Variants in TET1 observed in about 807,000 individuals in gnomAD.
TET1 encodes the protein methylcytosine dioxygenase TET1.
TET1 carries 13 observed loss-of-function variants against 148.7 expected under a neutral mutation model. The ratio of observed to expected loss-of-function variants is 0.09; its 90% CI spans 0.06 to 0.14. The LOEUF (loss-of-function observed/expected upper bound fraction) is 0.14. Among genes scored for constraint, TET1 ranks in the 10% least tolerant of loss-of-function variants. TET1 has a pLI of 1.00. For synonymous variants in TET1, 907 were observed against 937.2 expected (o/e 0.97, Z 0.59); for missense variants, 2,182 against 2,553.8 (o/e 0.85, Z 3.14).
At chr10:68,628,715 G>GT (rs986313215) in intron 3 of TET1, among the ~76,000 whole-genome samples, 12 of 152,170 alleles carry the variant, frequency 7.9e-5, no homozygotes, top group African/African-American at 2.9e-4. Context: ...ACCGGGGAAG[G>GT]ATCGAATAAC....
intron 6 of TET1, among the ~76,000 whole-genome samples, chr10:68,661,880 C>CTTTTT (rs56047246): frequency 5.4e-5 from 6 of 111,126 alleles, no homozygotes; most frequent in East Asian, 2.6e-4. Flanking sequence ...AATTTTTTTT[C>CTTTTT]TTTTTTTTTT....
intron 6 of TET1, among the ~76,000 whole-genome samples, chr10:68,660,870 G>C (rs1330365670): frequency 6.6e-6 from 1 of 151,736 alleles, no homozygotes; most frequent in Non-Finnish European, 1.5e-5. Context: ...CACCATGTTG[G>C]CCATGCTGGT....
At chr10:68,642,955 T>A (rs951409168) in intron 3 of TET1, among the ~76,000 whole-genome samples, 2 of 152,098 alleles carry the variant, frequency 1.3e-5, no homozygotes, top group African/African-American at 2.4e-5. Context: ...TCATGTAAAT[T>A]CATCTCAATA....
rs148732919 is a variant in TET1, at chr10:68,691,031, C to T, written c.5628C>T (p.Ser1876=). ...ATASCGFSER[S]STPHCTMPSG... Reference sequence around the variant, plus strand: ...CCTCATGCGGGTTTTCAGAAAGAAGCAGCACTCCCCACTGTACGATGCCTT... The same window carrying T: ...CCTCATGCGGGTTTTCAGAAAGAAGTAGCACTCCCCACTGTACGATGCCTT... Residue 1876 remains serine, a synonymous_variant, in exon 12 of 12, where the codon AGC becomes AGT. Transcript: ENST00000373644. This position sits in a 1 kb window ranked among gnomAD's most constrained non-coding sequence, Gnocchi z 4.4. The T allele has an allele frequency of 1.2e-6, 2 of 1,614,144 alleles. No individual in the cohort carries two copies. Among genetic ancestry groups the T allele is most frequent in the Non-Finnish European group, 1.7e-6 (2 of 1,179,984 alleles).
At chr10:68,649,865 A>G (rs2054905662) in intron 4 of TET1, among the ~76,000 whole-genome samples, 1 of 152,186 alleles carries the variant, frequency 6.6e-6, no homozygotes, top group Non-Finnish European at 1.5e-5. Flanking sequence ...CAGCTGTTTT[A>G]TCTACTGTCA....
At chr10:68,602,614 C>T (rs1206707859) in intron 3 of TET1, among the ~76,000 whole-genome samples, 1 of 152,100 alleles carries the variant, frequency 6.6e-6, no homozygotes, top group Non-Finnish European at 1.5e-5. Flanking sequence ...TGTCCTGTCA[C>T]CTGAAATAAA....
Position 68,601,022 on chromosome 10 carries a change from C to T in TET1, c.1956C>T (p.Pro652=). ...ENKRPQREKK[P]KVLKADFDNK... Reference sequence around the variant, plus strand: ...AGAGGCCCCAGAGGGAAAAGAAGCCCAAAGTTTTAAAGGTAATCAGCTGTT... The same window carrying T: ...AGAGGCCCCAGAGGGAAAAGAAGCCTAAAGTTTTAAAGGTAATCAGCTGTT... The change falls in exon 3 of 12, where the codon CCC becomes CCT. Residue 652 remains proline (P), a synonymous_variant. Transcript: ENST00000373644. 6.2e-7 allele frequency: 1 copy of T among 1,603,776 alleles called. No individual in the cohort carries two copies. Among genetic ancestry groups the T allele is most frequent in the Non-Finnish European group, 8.5e-7 (1 of 1,177,664 alleles).
intron 6 of TET1, among the ~76,000 whole-genome samples, chr10:68,666,709 T>C (rs2055200204): frequency 6.6e-6 from 1 of 152,206 alleles, no homozygotes; most frequent in African/African-American, 2.4e-5. Context: ...GGTACTCTTG[T>C]GATGAGTCTC....
intron 1 of TET1, among the ~76,000 whole-genome samples, chr10:68,564,533 A>C (rs117519341): frequency 0.02 from 3,101 of 152,214 alleles, 35 homozygotes; most frequent in Non-Finnish European, 0.03. Context: ...ACATCCCAGA[A>C]ATGGTTTTTT....
At chr10:68,565,286 G>A (rs756045741) in intron 1 of TET1, among the ~76,000 whole-genome samples, 2 of 151,768 alleles carry the variant, frequency 1.3e-5, no homozygotes, top group Non-Finnish European at 2.9e-5. Context: ...AGAGTGGCCT[G>A]GGCAGCATAG....
At chr10:68,591,788 A>C (rs1319170012) in intron 2 of TET1, among the ~76,000 whole-genome samples, 1 of 152,108 alleles carries the variant, frequency 6.6e-6, no homozygotes, top group Non-Finnish European at 1.5e-5. Flanking sequence ...CTGTAGTCCC[A>C]GCTACTGGCT....
At chr10:68,565,996 T>C (rs919595362) in intron 1 of TET1, among the ~76,000 whole-genome samples, 35 of 152,196 alleles carry the variant, frequency 2.3e-4, no homozygotes, top group Admixed American at 2.1e-3. Flanking sequence ...TCTATTTCCT[T>C]GACAGGCTGT....
intron 3 of TET1, among the ~76,000 whole-genome samples, chr10:68,621,179 T>C (rs980326367): frequency 1.3e-5 from 2 of 152,212 alleles, no homozygotes; most frequent in Non-Finnish European, 2.9e-5. Flanking sequence ...CTCATGCTTG[T>C]AATCCCAGCA....
At chr10:68,689,659 G>A (rs1016545932) in intron 11 of TET1, among the ~76,000 whole-genome samples, 1 of 151,968 alleles carries the variant, frequency 6.6e-6, no homozygotes, top group Non-Finnish European at 1.5e-5. Flanking sequence ...TGCGCTTGTA[G>A]TCCCAGCTAC....
intron 3 of TET1, among the ~76,000 whole-genome samples, chr10:68,615,521 T>C (rs2054278371): frequency 1.3e-5 from 2 of 151,802 alleles, no homozygotes; most frequent in South Asian, 4.2e-4. Context: ...AATTTTTGTA[T>C]TTTTAGCAGA....
At position 68,691,069 on chromosome 10, in the gene TET1, G is replaced by T; in HGVS notation, c.5666G>T (p.Ser1889Ile). ...PHCTMPSGRL[S>I]GANAAAADGP... is the part of the protein sequence containing the mutation. ...TGTACGATGCCTTCGGGAAGACTCA[G>T]TGGTGCCAATGCAGCTGCTGCTGAT... Residue 1889 changes from serine to isoleucine, a missense_variant, in exon 12 of 12, where the codon AGT becomes ATT. This residue lies in a region of TET1 where 380 missense variants were observed against 387.9 expected (regional missense o/e 0.98). Coordinates refer to ENST00000373644, the MANE Select transcript of TET1 (RefSeq NM_030625.3). The surrounding 1 kb of genome is among the most constrained non-coding windows in gnomAD (Gnocchi z 4.4). 6.2e-7 allele frequency: 1 copy of T among 1,614,234 alleles called. No homozygotes were observed. Among genetic ancestry groups the T allele is most frequent in the Non-Finnish European group, 8.5e-7 (1 of 1,180,026 alleles).
intron 1 of TET1, among the ~76,000 whole-genome samples, chr10:68,571,338 C>T (rs1420573374): frequency 1.5e-5 from 2 of 130,786 alleles, no homozygotes; most frequent in African/African-American, 5.8e-5. Flanking sequence ...GAGTCTCACT[C>T]TGTCACCCAG....
intron 3 of TET1, among the ~76,000 whole-genome samples, chr10:68,637,377 A>G (rs2054668892): frequency 6.6e-6 from 1 of 152,082 alleles, no homozygotes; most frequent in Non-Finnish European, 1.5e-5. Flanking sequence ...CTTCTTTGGG[A>G]AAATAAGGTT....
chr10:68,679,745 C>T (rs1368958328), intron 8 of TET1, among the ~76,000 whole-genome samples: 1 of 152,160 alleles, frequency 6.6e-6, no homozygotes, highest in Non-Finnish European at 1.5e-5. Context: ...ATGGTCTCAG[C>T]TCACTGCAAT....
Sources: gnomAD v4.1 joint callset for allele counts (sites outside exome capture counted in the v4.1 genomes callset) on GRCh38, gnomAD v4.1.1 for gene constraint, gnomAD v4.1.1 regional missense constraint, Gnocchi (gnomAD v3.1) non-coding constraint, MANE v1.5 for transcripts, NCBI Gene and HGNC (gene_info 2026-07-23, HGNC 2026-07-21) for gene names.